Variants in PELI2 observed in about 807,000 individuals in gnomAD.
PELI2 encodes the protein E3 ubiquitin-protein ligase pellino homolog 2.
PELI2 carries 23 observed loss-of-function variants against 42.3 expected under a neutral mutation model. The observed-to-expected ratio is 0.54, with a 90% CI of 0.39 to 0.77. The LOEUF (loss-of-function observed/expected upper bound fraction) is 0.77, where lower values mean the gene tolerates loss of function less well. Among genes scored for constraint, PELI2 ranks in the 30% least tolerant of loss-of-function variants. The pLI is 0.00. For synonymous variants in PELI2, 245 were observed against 212.2 expected, an observed-to-expected ratio of 1.15 and a Z score of -1.34; for missense variants, 463 against 553.2, an observed-to-expected ratio of 0.84 and a Z score of 1.64.
At chr14:56,151,548 G>A (rs1020439576) in intron 1 of PELI2, among the ~76,000 whole-genome samples, 1 of 152,192 alleles carries the variant, frequency 6.6e-6, no homozygotes, top group Non-Finnish European at 1.5e-5. Flanking sequence ...AGGACCTGAT[G>A]TCACAGTGTT....
intron 2 of PELI2, among the ~76,000 whole-genome samples, chr14:56,220,351 T>TG (rs1175135907): frequency 6.6e-6 from 1 of 152,066 alleles, no homozygotes; most frequent in African/African-American, 2.4e-5. Context: ...AGCTAGTACT[T>TG]GGGGAAAAAA....
At chr14:56,255,926 C>T (rs1426807484) in intron 2 of PELI2, among the ~76,000 whole-genome samples, 2 of 152,190 alleles carry the variant, frequency 1.3e-5, no homozygotes, top group Non-Finnish European at 2.9e-5. Flanking sequence ...GGCATTCACT[C>T]GTGCAAGCTC....
chr14:56,253,467 C>A (rs1225897502), intron 2 of PELI2, among the ~76,000 whole-genome samples: 1 of 152,106 alleles, frequency 6.6e-6, no homozygotes, highest in Non-Finnish European at 1.5e-5. Context: ...ATCTCAGACC[C>A]AAACTCCTTA....
intron 3 of PELI2, among the ~76,000 whole-genome samples, chr14:56,282,567 G>A (rs1028530219): frequency 5.9e-5 from 9 of 151,856 alleles, no homozygotes; most frequent in South Asian, 2.1e-4. Context: ...GGAACTATGC[G>A]TATGTGTTAG....
chr14:56,226,324 C>T (rs927078928), intron 2 of PELI2, among the ~76,000 whole-genome samples: 1 of 152,212 alleles, frequency 6.6e-6, no homozygotes, highest in Non-Finnish European at 1.5e-5. Flanking sequence ...CACTGATGAT[C>T]AGCCTCACTG....
intron 5 of PELI2, among the ~76,000 whole-genome samples, chr14:56,291,345 T>C (rs748489435): frequency 1.3e-5 from 2 of 152,184 alleles, no homozygotes; most frequent in Non-Finnish European, 2.9e-5. Context: ...ATGTCTAAGA[T>C]GGAAAAAGAA....
Position 56,290,387 on chromosome 14 carries a change from C to A in PELI2, c.627C>A (p.Arg209=). 6.2e-7 allele frequency: 1 copy of A among 1,613,794 alleles called. No homozygotes were observed. ...AGGAGTCCCAGCCCGGGGTCTGGCG[C>A]GAGATCTCTGTCTGTGGAGATGTGT... is the stretch of plus-strand genomic sequence containing the variant. ...FTEESQPGVW[R]EISVCGDVYT... is the part of the protein sequence containing the mutation. The change falls in exon 5 of 6, where the codon CGC becomes CGA. Residue 209 remains arginine (R), a synonymous_variant. Transcript: ENST00000267460.
intron 1 of PELI2, among the ~76,000 whole-genome samples, chr14:56,128,529 G>A (rs1388669734): frequency 6.6e-6 from 1 of 152,136 alleles, no homozygotes; most frequent in African/African-American, 2.4e-5. Context: ...AGAGGCATGT[G>A]TATTGCTGGG....
intron 1 of PELI2, among the ~76,000 whole-genome samples, chr14:56,157,520 C>A (rs1462900896): frequency 6.6e-6 from 1 of 151,846 alleles, no homozygotes; most frequent in Non-Finnish European, 1.5e-5. Context: ...TTATATTTCA[C>A]ATAAAATCAC....
At chr14:56,293,380 C>T (rs1450095124) in intron 5 of PELI2, among the ~76,000 whole-genome samples, 1 of 152,178 alleles carries the variant, frequency 6.6e-6, no homozygotes, top group Non-Finnish European at 1.5e-5. Flanking sequence ...ATCAGGCCAC[C>T]AGGTTCAAGT....
At chr14:56,119,724 A>C (rs1383361296) in intron 1 of PELI2, 2 of 964,546 alleles carry the variant, frequency 2.1e-6, no homozygotes, top group African/African-American at 1.8e-5. Flanking sequence ...GAAGTGCAGG[A>C]AACTGGGGGG....
At position 56,178,407 on chromosome 14, in the gene PELI2, G is replaced by A; in HGVS notation, c.150G>A (p.Lys50=). 1.2e-6 allele frequency: 2 copies of A among 1,614,192 alleles called. No homozygotes were observed. Among genetic ancestry groups the A allele is most frequent in the Non-Finnish European group, 1.7e-6 (2 of 1,180,024 alleles). The part of the protein sequence containing the change: ...KSRFALYKRP[K]ANGVKPSTVH... ...GATTTGCCCTCTACAAGCGGCCCAA[G>A]GCAAATGGTGTCAAACCCAGCACCG... Residue 50 remains lysine (K), a synonymous_variant, in exon 2 of 6, where the codon AAG becomes AAA. Transcript: ENST00000267460.
At chr14:56,255,292 A>G (rs1365545692) in intron 2 of PELI2, among the ~76,000 whole-genome samples, 1 of 152,228 alleles carries the variant, frequency 6.6e-6, no homozygotes, top group Non-Finnish European at 1.5e-5. Context: ...TACACCATAG[A>G]ATACTATGCA....
intron 2 of PELI2, among the ~76,000 whole-genome samples, chr14:56,260,985 A>G: frequency 6.6e-6 from 1 of 152,044 alleles, no homozygotes; most frequent in Non-Finnish European, 1.5e-5. Flanking sequence ...AGGTACCGTG[A>G]GGCTGTCTCT....
chr14:56,153,236 T>C (rs1476543957), intron 1 of PELI2, among the ~76,000 whole-genome samples: 2 of 152,218 alleles, frequency 1.3e-5, no homozygotes, highest in Non-Finnish European at 2.9e-5. Flanking sequence ...CTTTTTTGGC[T>C]TATTGGTTTG....
chr14:56,252,002 T>G (rs192182224), intron 2 of PELI2, among the ~76,000 whole-genome samples: 1 of 152,326 alleles, frequency 6.6e-6, no homozygotes, highest in Admixed American at 6.5e-5. Flanking sequence ...GAATTGTTAT[T>G]AGGTGAGTTT....
In PELI2 at chr14:56,165,610, T is replaced by C. The variant is rs562869760; in HGVS notation, c.78-12725T>C. 7.3e-4 allele frequency among the ~76,000 whole-genome samples: 111 copies of C among 152,130 alleles called. 1 individual carries two copies. Among genetic ancestry groups the C allele is most frequent in the Non-Finnish European group, 1.4e-3 (94 of 67,980 alleles). On this transcript the variant is annotated intron_variant, in intron 1 of 5. Transcript: ENST00000267460. ...ATACCTATTAGATTCATTTTTTCCATAGTGCAAATGAAGTGCAATGTTTCT... is the reference window on the plus strand; with the variant it reads ...ATACCTATTAGATTCATTTTTTCCACAGTGCAAATGAAGTGCAATGTTTCT...
chr14:56,159,816 T>C (rs538109716), intron 1 of PELI2, among the ~76,000 whole-genome samples: 1 of 152,306 alleles, frequency 6.6e-6, no homozygotes, highest in South Asian at 2.1e-4. Context: ...TTTGCCCACC[T>C]TCAAGTTGGT....
intron 2 of PELI2, among the ~76,000 whole-genome samples, chr14:56,237,425 T>G (rs150737940): frequency 1.8e-3 from 276 of 152,280 alleles, no homozygotes; most frequent in African/African-American, 6.1e-3. Flanking sequence ...CTCAGACAAC[T>G]CTAATTTTTA....
Sources: allele counts gnomAD v4.1 joint callset (sites outside exome capture counted in the v4.1 genomes callset), GRCh38; gene constraint gnomAD v4.1.1; transcripts MANE v1.5; gene names NCBI Gene and HGNC (gene_info 2026-07-23, HGNC 2026-07-21).